GNS: variants seen among roughly 807,000 people sequenced by gnomAD.
GNS encodes the protein glucosamine (N-acetyl)-6-sulfatase.
In GNS, 40 loss-of-function variants were observed where a neutral mutation model predicts 69.7. That is an observed-to-expected ratio of 0.57 (90% CI 0.45 to 0.75). GNS has a LOEUF of 0.75. Ranked by LOEUF, GNS falls within the 30% of genes least tolerant of loss-of-function variation. The pLI, the probability that GNS is intolerant of heterozygous loss-of-function variation, is 0.00. For missense variants in GNS, 565 were observed against 685.5 expected, an observed-to-expected ratio of 0.82 and a Z score of 1.96; for synonymous variants, 243 against 251.6, an observed-to-expected ratio of 0.97 and a Z score of 0.32.
rs1054527270 is a variant in GNS, at chr12:64,749,000, C to T, written c.253-1082G>A. 1.2e-4 allele frequency among the ~76,000 whole-genome samples: 18 copies of T among 152,238 alleles called. No individual in the cohort carries two copies. The East Asian group carries it at 1.4e-3, about 11-fold the overall frequency. ...TGTCACGCAGGCTGGAGTGCAGTGG[C>T]GCGATCTTGGCTCACTGCAAGCTCC... On this transcript the variant is annotated intron_variant, in intron 2 of 13. Transcript: ENST00000258145.
intron 9 of GNS, among the ~76,000 whole-genome samples, chr12:64,730,330 G>A (rs1299132209): frequency 6.9e-6 from 1 of 144,922 alleles, no homozygotes; most frequent in African/African-American, 2.6e-5. Context: ...AGAACATTTA[G>A]ATCATCTTAG....
At chr12:64,758,868 A>C (rs1458087478) in intron 1 of GNS, among the ~76,000 whole-genome samples, 2 of 152,312 alleles carry the variant, frequency 1.3e-5, no homozygotes, top group East Asian at 1.9e-4. Flanking sequence ...TCCAGACTAG[A>C]AGCTCTGTGT....
intron 8 of GNS, among the ~76,000 whole-genome samples, chr12:64,737,807 C>A (rs1565884710): frequency 6.6e-6 from 1 of 152,192 alleles, no homozygotes; most frequent in Non-Finnish European, 1.5e-5. Context: ...ATGCAAACTT[C>A]TATCAAGTCC....
intron 6 of GNS, among the ~76,000 whole-genome samples, chr12:64,741,023 C>T (rs1161535100): frequency 6.6e-6 from 1 of 152,098 alleles, no homozygotes; most frequent in Non-Finnish European, 1.5e-5. Context: ...CAACTCTGAT[C>T]TTATGCCTTT....
chr12:64,735,980 C>T (rs998701807), intron 9 of GNS, among the ~76,000 whole-genome samples: 3 of 152,134 alleles, frequency 2.0e-5, no homozygotes, highest in Admixed American at 2.0e-4. Context: ...CATCAAGCTC[C>T]AAAATTAAAC....
intron 8 of GNS, 81 bp from the exon 9 acceptor site, chr12:64,737,188 G>A (rs1475101452): frequency 7.3e-6 from 6 of 823,176 alleles, no homozygotes; most frequent in South Asian, 1.4e-5. Flanking sequence ...TTAATCCACA[G>A]CCAAAACTAA....
At position 64,746,562 on chromosome 12, in the gene GNS, C is replaced by A. The variant is rs1040684523; in HGVS notation, c.460-838G>T. On this transcript the variant is annotated intron_variant, in intron 3 of 13. Transcript: ENST00000258145. Reference sequence around the variant, plus strand: ...TATTTCAGTTGCCCTGCAGATGAAACCCACTTTTAGAGCTCGATTTATCTG... The same window carrying A: ...TATTTCAGTTGCCCTGCAGATGAAAACCACTTTTAGAGCTCGATTTATCTG... Among the ~76,000 whole-genome samples, 4 of 152,242 alleles carry A rather than the reference C, an allele frequency of 2.6e-5. No individual in the cohort carries two copies. The Middle Eastern group carries it at 0.01, about 388-fold the overall frequency.
intron 9 of GNS, among the ~76,000 whole-genome samples, chr12:64,736,713 C>T (rs1869566714): frequency 6.6e-6 from 1 of 152,224 alleles, no homozygotes; most frequent in South Asian, 2.1e-4. Flanking sequence ...TTTTGATGCA[C>T]ATCCTCTGTT....
Position 64,742,113 on chromosome 12 carries a change from C to T in GNS, c.792+1028G>A, listed in dbSNP as rs546257352. On this transcript the variant is annotated intron_variant, in intron 6 of 13. Transcript: ENST00000258145. ...TCGGCTCACGGCAAGCTCCGCCTCC[C>T]GGGTTCACGCCATTCTCCTGCCTCA... 6.6e-5 allele frequency among the ~76,000 whole-genome samples: 10 copies of T among 152,214 alleles called. No individual in the cohort carries two copies. In the East Asian group the frequency reaches 7.7e-4, roughly 12 times the overall value.
At position 64,729,499 on chromosome 12, in the gene GNS, G is replaced by C. The variant is rs1221515861; in HGVS notation, c.1099-442C>G. On this transcript the variant is annotated intron_variant, in intron 9 of 13. Transcript: ENST00000258145. Reference sequence around the variant, plus strand: ...CTCAAAAAAGGAATGCTTCCCATCAGTGAGAATTATTAGCTCTTTTTATAG... The same window carrying C: ...CTCAAAAAAGGAATGCTTCCCATCACTGAGAATTATTAGCTCTTTTTATAG... Among the ~76,000 whole-genome samples the C allele has an allele frequency of 3.3e-5, 5 of 152,222 alleles. No individual in the cohort carries two copies. The East Asian group carries it at 9.6e-4, about 29-fold the overall frequency.
intron 6 of GNS, among the ~76,000 whole-genome samples, chr12:64,742,270 T>C (rs1280629740): frequency 6.6e-6 from 1 of 152,234 alleles, no homozygotes; most frequent in Non-Finnish European, 1.5e-5. Context: ...TTCGCCCGCC[T>C]TGGCCTCCCA....
chr12:64,719,761 C>A (rs1868967462), intron 13 of GNS, among the ~76,000 whole-genome samples: 2 of 152,134 alleles, frequency 1.3e-5, no homozygotes, highest in Non-Finnish European at 2.9e-5. Flanking sequence ...TGACAATAAT[C>A]ACAGCACGAA....
At position 64,759,027 on chromosome 12, in the gene GNS, A is replaced by G. The variant is rs1452232233; in HGVS notation, c.192+58T>C. On this transcript the variant is annotated intron_variant, in intron 1 of 13. Coordinates refer to ENST00000258145, the MANE Select transcript of GNS (RefSeq NM_002076.4). ...GGTGGTGGGGACCGGGAAAGAGAGC[A>G]ACAAACCGGGTAGTCAGCCCAAGAG... The G allele has an allele frequency of 4.3e-6, 6 of 1,381,782 alleles. No homozygotes were observed. The East Asian group carries it at 1.5e-4, about 34-fold the overall frequency. 85.6% of individuals were successfully genotyped at this position (1,381,782 alleles called of 1,614,324 possible).
chr12:64,749,131 G>T (rs1215347023), intron 2 of GNS, among the ~76,000 whole-genome samples: 2 of 151,082 alleles, frequency 1.3e-5, no homozygotes, highest in African/African-American at 4.9e-5. Flanking sequence ...AGTAGAGATG[G>T]GGTTTCACCG....
At chr12:64,728,854 C>A in intron 10 of GNS, 102 bp downstream of exon 10, 2 of 681,914 alleles carry the variant, frequency 2.9e-6, no homozygotes, top group African/African-American at 1.8e-5. Flanking sequence ...TTTCTGCCCC[C>A]AAATTTAATA....
At chr12:64,722,796 G>A in intron 11 of GNS, 2 of 555,008 alleles carry the variant, frequency 3.6e-6, no homozygotes, top group South Asian at 3.9e-5. Context: ...TACATAAATT[G>A]GAAGATTAAC....
Position 64,747,805 on chromosome 12 carries a change from G to T in GNS, c.366C>A (p.Ser122=). The T allele has an allele frequency of 6.2e-7, 1 of 1,610,204 alleles. No homozygotes were observed. The highest frequency in any genetic ancestry group is 8.5e-7 in the Non-Finnish European group (1 of 1,176,424). The stretch of plus-strand genomic sequence containing the variant: ...TATTTGGTTCTTGGATCTTCTGCCA[G>T]GACTTACTACTGCAGTTCCCCTCCA... ...NTLEGNCSSK[S]WQKIQEPNTF... Residue 122 remains serine, a synonymous_variant, in exon 3 of 14, where the codon TCC becomes TCA. Coordinates refer to ENST00000258145, the MANE Select transcript of GNS (RefSeq NM_002076.4).
At chr12:64,719,956 G>T in intron 13 of GNS, 66 bp downstream of exon 13, 1 of 1,056,430 alleles carries the variant, frequency 9.5e-7, no homozygotes, top group Non-Finnish European at 1.5e-6. Flanking sequence ...GGCTCCCTTT[G>T]CCTTCAAGAA....
chr12:64,758,952 G>C, intron 1 of GNS, 133 bp downstream of exon 1: 1 of 778,014 alleles, frequency 1.3e-6, no homozygotes, highest in Non-Finnish European at 2.2e-6. Context: ...AGGGCCTCAG[G>C]TGGGAAAACC....
Sources: allele counts gnomAD v4.1 joint callset (sites outside exome capture counted in the v4.1 genomes callset), GRCh38; gene constraint gnomAD v4.1.1; transcripts MANE v1.5; gene names NCBI Gene and HGNC (gene_info 2026-07-23, HGNC 2026-07-21).